The following CNTNAP2 variants were observed in gnomAD, a reference collection of about 807,000 sequenced individuals.
CNTNAP2 encodes contactin associated protein 2.
Under a neutral mutation model 155.2 loss-of-function variants are expected in CNTNAP2, and 98 were observed. The ratio of observed to expected loss-of-function variants is 0.63; its 90% confidence interval spans 0.54 to 0.75. CNTNAP2 has a LOEUF of 0.75. Ranked by LOEUF, CNTNAP2 falls within the 30% of genes least tolerant of loss-of-function variation. The probability of loss-of-function intolerance (pLI) is 0.00; values close to 1 mark genes in which losing one functional copy is unlikely to be tolerated. For synonymous variants in CNTNAP2, 651 were observed against 631.2 expected, an observed-to-expected ratio of 1.03 and a Z score of -0.47; for missense variants, 1,727 against 1,688.1, an observed-to-expected ratio of 1.02 and a Z score of -0.40.
At chr7:147,251,971 A>G (rs1171390315) in intron 8 of CNTNAP2, among the ~76,000 whole-genome samples, 1 of 152,214 alleles carries the variant, frequency 6.6e-6, no homozygotes, top group African/African-American at 2.4e-5. Context: ...TAATAAAAAA[A>G]AACAGCAAGG....
At chr7:148,207,366 A>G (rs1585187555) in intron 18 of CNTNAP2, among the ~76,000 whole-genome samples, 1 of 152,310 alleles carries the variant, frequency 6.6e-6, no homozygotes, top group East Asian at 1.9e-4. Flanking sequence ...GCGAAGGAGA[A>G]TGGCCGCTGA....
intron 15 of CNTNAP2, among the ~76,000 whole-genome samples, chr7:148,001,706 C>G (rs967134241): frequency 2.6e-5 from 4 of 152,046 alleles, no homozygotes; most frequent in African/African-American, 9.7e-5. Flanking sequence ...TTTTGATAAC[C>G]AATGTGTCTA....
intron 1 of CNTNAP2, among the ~76,000 whole-genome samples, chr7:146,175,418 AG>A (rs1238916302): frequency 6.6e-6 from 1 of 152,170 alleles, no homozygotes; most frequent in Non-Finnish European, 1.5e-5. Flanking sequence ...TCCTTTAACA[AG>A]GCCATATTGT....
intron 3 of CNTNAP2, among the ~76,000 whole-genome samples, chr7:146,940,960 G>T (rs1797044225): frequency 6.6e-6 from 1 of 151,814 alleles, no homozygotes; most frequent in African/African-American, 2.4e-5. Flanking sequence ...TATTTTATCT[G>T]GTTTAATTCT....
rs200352323 is a variant in CNTNAP2, at chr7:147,754,389, A to G, written c.2098+115083A>G. ...TTTGGACTAACCAAAAGAACTTAAG[A>G]TATCAGTGAAGTTTTCAAACAGGAG... On this transcript the variant is annotated intron_variant, in intron 13 of 23. Transcript: ENST00000361727. 1.1e-4 allele frequency among the ~76,000 whole-genome samples: 17 copies of G among 152,332 alleles called. No individual in the cohort carries two copies. The East Asian group carries it at 3.1e-3, about 28-fold the overall frequency.
At chr7:146,260,886 G>T (rs1799909423) in intron 1 of CNTNAP2, among the ~76,000 whole-genome samples, 1 of 152,184 alleles carries the variant, frequency 6.6e-6, no homozygotes, top group Admixed American at 6.5e-5. Flanking sequence ...TTTGGAAGGT[G>T]GCAGAGGTGG....
chr7:146,958,388 T>G (rs551450569), intron 3 of CNTNAP2, among the ~76,000 whole-genome samples: 1 of 151,288 alleles, frequency 6.6e-6, no homozygotes, highest in Non-Finnish European at 1.5e-5. Flanking sequence ...CTTTTTTTTC[T>G]TCACAACACA....
intron 2 of CNTNAP2, among the ~76,000 whole-genome samples, chr7:146,795,593 G>A (rs1165953644): frequency 6.6e-6 from 1 of 152,148 alleles, no homozygotes; most frequent in Non-Finnish European, 1.5e-5. Flanking sequence ...CTGAAGCAGG[G>A]GCTAGAAGCT....
At chr7:147,232,074 A>G (rs1449089164) in intron 8 of CNTNAP2, among the ~76,000 whole-genome samples, 1 of 152,224 alleles carries the variant, frequency 6.6e-6, no homozygotes, top group East Asian at 1.9e-4. Context: ...CCCATTTATA[A>G]TAGATAGCAT....
intron 12 of CNTNAP2, among the ~76,000 whole-genome samples, chr7:147,632,525 A>G (rs768643950): frequency 8.5e-5 from 13 of 152,178 alleles, no homozygotes; most frequent in Non-Finnish European, 1.9e-4. Flanking sequence ...GCCTTCCACC[A>G]TGGCTGTTAA....
At chr7:146,930,535 G>A (rs1190079707) in intron 3 of CNTNAP2, among the ~76,000 whole-genome samples, 3 of 152,128 alleles carry the variant, frequency 2.0e-5, no homozygotes, top group Non-Finnish European at 2.9e-5. Context: ...ATCAACTAAC[G>A]AACAAAATAA....
chr7:147,804,441 C>T (rs1042769290), intron 13 of CNTNAP2, among the ~76,000 whole-genome samples: 9 of 152,176 alleles, frequency 5.9e-5, no homozygotes, highest in African/African-American at 2.2e-4. Flanking sequence ...TCAGATTACT[C>T]TCCTTTTGAA....
At chr7:147,159,866 A>C (rs1801993719) in intron 8 of CNTNAP2, among the ~76,000 whole-genome samples, 1 of 152,086 alleles carries the variant, frequency 6.6e-6, no homozygotes, top group African/African-American at 2.4e-5. Flanking sequence ...AAGTGCAGAA[A>C]CCTTAATTAA....
chr7:146,628,775 C>A (rs1273803840), intron 1 of CNTNAP2, among the ~76,000 whole-genome samples: 2 of 151,998 alleles, frequency 1.3e-5, no homozygotes, highest in African/African-American at 4.8e-5. Context: ...AGCCCCGGAG[C>A]AAAATAGTCA....
intron 3 of CNTNAP2, among the ~76,000 whole-genome samples, chr7:146,843,585 CCTTA>C (rs1803784400): frequency 7.9e-6 from 1 of 126,844 alleles, no homozygotes; most frequent in South Asian, 2.7e-4. Flanking sequence ...ATGTTTTAAT[CCTTA>C]CTAATACAAA....
chr7:146,578,771 T>A (rs1015430666), intron 1 of CNTNAP2, among the ~76,000 whole-genome samples: 5 of 152,180 alleles, frequency 3.3e-5, no homozygotes, highest in African/African-American at 1.2e-4. Context: ...TCAAAACTTA[T>A]ACTCCTTACC....
chr7:147,467,872 A>AT (rs397798010), intron 10 of CNTNAP2, among the ~76,000 whole-genome samples: 2 of 151,222 alleles, frequency 1.3e-5, no homozygotes, highest in Admixed American at 6.6e-5. Flanking sequence ...TCTAAAAAAA[A>AT]TTTTAAAAAT....
intron 8 of CNTNAP2, among the ~76,000 whole-genome samples, chr7:147,284,637 T>A (rs908177086): frequency 6.6e-6 from 1 of 151,950 alleles, no homozygotes; most frequent in African/African-American, 2.4e-5. Flanking sequence ...ACAAAAAGAC[T>A]TGGTAACATA....
chr7:147,235,345 GGT>G (rs60072934), intron 8 of CNTNAP2, among the ~76,000 whole-genome samples: 2,131 of 140,872 alleles, frequency 0.015, 37 homozygotes, highest in African/African-American at 0.042. Flanking sequence ...TGGAGTTTTT[GGT>G]GTGTGTGTGT....
Sources: gnomAD v4.1 joint callset for allele counts (sites outside exome capture counted in the v4.1 genomes callset) on GRCh38, gnomAD v4.1.1 for gene constraint, MANE v1.5 for transcripts, NCBI Gene and HGNC (gene_info 2026-07-23, HGNC 2026-07-21) for gene names.